INSC: variants seen among roughly 807,000 people sequenced by gnomAD.
INSC encodes protein inscuteable homolog.
A neutral mutation model predicts 58.6 loss-of-function variants in INSC; 67 were observed. That is an observed-to-expected ratio of 1.14 (90% confidence interval 0.94 to 1.40). The LOEUF (loss-of-function observed/expected upper bound fraction) is 1.40, where lower values mean the gene tolerates loss of function less well. Ranked by LOEUF, INSC falls within the 40% of genes most tolerant of loss-of-function variation. The pLI is 0.00. For synonymous variants in INSC, 262 were observed against 276.1 expected, an observed-to-expected ratio of 0.95 and a Z score of 0.51; for missense variants, 714 against 692.0, an observed-to-expected ratio of 1.03 and a Z score of -0.36.
At chr11:15,187,245 T>C (rs911531569) in intron 5 of INSC, among the ~76,000 whole-genome samples, 1 of 152,198 alleles carries the variant, frequency 6.6e-6, no homozygotes, top group South Asian at 2.1e-4. Context: ...CTTGGAAATC[T>C]TAGGACATTA....
intron 1 of INSC, among the ~76,000 whole-genome samples, chr11:15,123,225 T>C (rs1250408225): frequency 6.6e-6 from 1 of 152,236 alleles, no homozygotes; most frequent in East Asian, 1.9e-4. Context: ...TTTTATAAAG[T>C]TTTAAAACAT....
At chr11:15,261,986 G>T in the INSC span, among the ~76,000 whole-genome samples, 1 of 152,076 alleles carries the variant, frequency 6.6e-6, no homozygotes, top group Non-Finnish European at 1.5e-5. Flanking sequence ...GGACCTCAGG[G>T]AGGGGACAAG....
At chr11:15,203,416 A>G (rs1187103624) in intron 7 of INSC, among the ~76,000 whole-genome samples, 1 of 152,228 alleles carries the variant, frequency 6.6e-6, no homozygotes, top group Non-Finnish European at 1.5e-5. Context: ...CTGAAGAGGA[A>G]TAAGACTTAC....
chr11:15,217,269 A>C (rs1332005845), intron 7 of INSC, among the ~76,000 whole-genome samples: 1 of 152,114 alleles, frequency 6.6e-6, no homozygotes, highest in Non-Finnish European at 1.5e-5. Flanking sequence ...AAATCATCAG[A>C]TCTCACGAGA....
intron 1 of INSC, among the ~76,000 whole-genome samples, chr11:15,132,597 T>G (rs1176654570): frequency 3.3e-5 from 5 of 152,188 alleles, no homozygotes; most frequent in Admixed American, 3.3e-4. Context: ...CTGTAATTGT[T>G]TCTTAGTTAA....
intron 1 of INSC, among the ~76,000 whole-genome samples, chr11:15,117,742 T>C (rs872172): frequency 0.49 from 74,973 of 152,088 alleles, 19,413 homozygotes; most frequent in Non-Finnish European, 0.58. Flanking sequence ...ATCCTCAATT[T>C]CAAATATGTC....
Position 15,175,954 on chromosome 11 carries a change from G to T in INSC, c.270G>T (p.Arg90Ser). The stretch of plus-strand genomic sequence containing the variant: ...GGGTCATTAGCACAGAGCTGCGCAG[G>T]ATCGGGCAGAAGCTGGCCCAGGACC... ...RGWVISTELR[R>S]IGQKLAQDRW... Residue 90 changes from arginine to serine, a missense_variant, in exon 3 of 13, where the codon AGG becomes AGT. Arg to Ser is a moderately radical substitution (Grantham distance 110). Transcript: ENST00000379556. 2 of 1,614,040 alleles carry T rather than the reference G, an allele frequency of 1.2e-6. No homozygotes were observed. Among genetic ancestry groups the T allele is most frequent in the Non-Finnish European group, 1.7e-6 (2 of 1,179,958 alleles).
intron 7 of INSC, among the ~76,000 whole-genome samples, chr11:15,203,619 T>G (rs1219936585): frequency 6.6e-6 from 1 of 152,238 alleles, no homozygotes; most frequent in African/African-American, 2.4e-5. Context: ...TCATACATTA[T>G]GTAATTCATT....
intron 4 of INSC, 92 bp from the exon 5 acceptor site, chr11:15,178,232 G>C: frequency 4.6e-6 from 7 of 1,528,662 alleles, no homozygotes; most frequent in Non-Finnish European, 6.2e-6. Context: ...CACACACCAG[G>C]CTTGTAGCAG....
At chr11:15,233,794 C>G (rs577635815) in intron 9 of INSC, among the ~76,000 whole-genome samples, 1 of 152,216 alleles carries the variant, frequency 6.6e-6, no homozygotes, top group East Asian at 1.9e-4. Context: ...TTCAGAAAGG[C>G]CAGCCTGGTG....
At chr11:15,171,378 C>G (rs1849391746) in intron 2 of INSC, among the ~76,000 whole-genome samples, 1 of 152,162 alleles carries the variant, frequency 6.6e-6, no homozygotes, top group Non-Finnish European at 1.5e-5. Context: ...ATGTGAATGG[C>G]CAGCCCCTAA....
At chr11:15,137,819 G>C (rs1211169463) in intron 1 of INSC, among the ~76,000 whole-genome samples, 1 of 152,162 alleles carries the variant, frequency 6.6e-6, no homozygotes, top group Non-Finnish European at 1.5e-5. Context: ...CACTGAAGTA[G>C]CATTTTTAAT....
At chr11:15,236,295 TG>T (rs985898182) in intron 10 of INSC, among the ~76,000 whole-genome samples, 2 of 148,408 alleles carry the variant, frequency 1.3e-5, no homozygotes, top group African/African-American at 5.0e-5. Context: ...AGTCTCAGGG[TG>T]GGGGGGTGGT....
At chr11:15,175,580 T>C (rs1300634365) in intron 2 of INSC, among the ~76,000 whole-genome samples, 161 bp from the exon 3 acceptor site, 1 of 152,172 alleles carries the variant, frequency 6.6e-6, no homozygotes, top group East Asian at 1.9e-4. Context: ...ATCCATAAGA[T>C]GAAGAGAATG....
intron 1 of INSC, among the ~76,000 whole-genome samples, chr11:15,115,843 C>T (rs892604645): frequency 6.6e-6 from 1 of 152,254 alleles, no homozygotes; most frequent in Non-Finnish European, 1.5e-5. Flanking sequence ...GACATGTATG[C>T]AACATGCACC....
In INSC at chr11:15,225,678, A is replaced by T; in HGVS notation, c.1020A>T (p.Glu340Asp). 1.2e-6 allele frequency: 2 copies of T among 1,614,202 alleles called. No homozygotes were observed. Among genetic ancestry groups the T allele is most frequent in the Non-Finnish European group, 1.7e-6 (2 of 1,180,028 alleles). Residue 340 changes from glutamate (E) to aspartate (D), a missense_variant, in exon 9 of 13, where the codon GAA becomes GAT. Coordinates refer to ENST00000379556, the MANE Select transcript of INSC (RefSeq NM_001042536.3). ...TGTGCCAAGAGGCCTCATCAGGGGA[A>T]GTCTTCCTACTGGCCTCTGCGGCCC... ...VKLCQEASSG[E>D]VFLLASAALA...
rs547991612 is a variant in INSC, at chr11:15,192,585, A to C, written c.693+1771A>C. On this transcript the variant is annotated intron_variant, in intron 6 of 12. Coordinates refer to ENST00000379556, the MANE Select transcript of INSC (RefSeq NM_001042536.3). ...GCCTGCACAAAGTGGGTACTCAAAG[A>C]GTTTGTTGAATGAGAAAGTTACAAA... Among the ~76,000 whole-genome samples, 12 of 152,268 alleles carry C rather than the reference A, an allele frequency of 7.9e-5. No homozygotes were observed. In the South Asian group the frequency reaches 1.9e-3, roughly 24 times the overall value.
intron 2 of INSC, among the ~76,000 whole-genome samples, chr11:15,164,423 C>T (rs564854674): frequency 4.6e-5 from 7 of 152,306 alleles, no homozygotes; most frequent in East Asian, 3.9e-4. Flanking sequence ...CTGAACATCT[C>T]GTTCCTGTGC....
chr11:15,181,702 G>A (rs1199028286), intron 5 of INSC, among the ~76,000 whole-genome samples: 1 of 152,038 alleles, frequency 6.6e-6, no homozygotes, highest in African/African-American at 2.4e-5. Context: ...TTTTTTCCCA[G>A]GTAACTTTAA....
Sources: gnomAD v4.1 joint callset for allele counts (sites outside exome capture counted in the v4.1 genomes callset) on GRCh38, gnomAD v4.1.1 for gene constraint, MANE v1.5 for transcripts, NCBI Gene and HGNC (gene_info 2026-07-23, HGNC 2026-07-21) for gene names.